RERG: variants seen among roughly 807,000 people sequenced by gnomAD.
RERG encodes RAS like estrogen regulated growth inhibitor.
In RERG, 25 loss-of-function variants were observed where a neutral mutation model predicts 23.2. That is an observed-to-expected ratio of 1.08 (90% CI 0.79 to 1.50). The LOEUF (loss-of-function observed/expected upper bound fraction) is 1.50. RERG is among the 40% of genes most tolerant of loss of function. The pLI, the probability that RERG is intolerant of heterozygous loss-of-function variation, is 0.00. For missense variants in RERG, 253 were observed against 250.1 expected (o/e 1.01, Z -0.08); for synonymous variants, 81 against 89.1 (o/e 0.91, Z 0.51).
At chr12:15,194,269 TTGC>T (rs1356438548) in intron 2 of RERG, among the ~76,000 whole-genome samples, 1 of 152,096 alleles carries the variant, frequency 6.6e-6, no homozygotes, top group African/African-American at 2.4e-5. Flanking sequence ...ATTCCAGGCC[TTGC>T]TGTTAGGGAG....
intron 2 of RERG, among the ~76,000 whole-genome samples, chr12:15,142,276 T>C (rs2136102604): frequency 6.6e-6 from 1 of 152,316 alleles, no homozygotes; most frequent in Admixed American, 6.5e-5. Flanking sequence ...CAATCTTATG[T>C]TCATTTCAAC....
intron 2 of RERG, chr12:15,154,173 T>C (rs1412605577): frequency 1.3e-5 from 2 of 152,200 alleles, no homozygotes; most frequent in Non-Finnish European, 2.9e-5. Context: ...GGTACTTTGT[T>C]GAGGCAGTGC....
intron 2 of RERG, among the ~76,000 whole-genome samples, chr12:15,133,629 T>C (rs1037222874): frequency 6.6e-6 from 1 of 151,978 alleles, no homozygotes; most frequent in African/African-American, 2.4e-5. Context: ...TCCTGAATCA[T>C]ACAGCAAGAG....
At chr12:15,115,971 G>A (rs1306145179) in intron 3 of RERG, among the ~76,000 whole-genome samples, 1 of 152,088 alleles carries the variant, frequency 6.6e-6, no homozygotes, top group Non-Finnish European at 1.5e-5. Flanking sequence ...TTTAATAAGT[G>A]TATTTTATGT....
At chr12:15,145,795 A>T (rs555651263) in intron 2 of RERG, among the ~76,000 whole-genome samples, 2 of 152,396 alleles carry the variant, frequency 1.3e-5, no homozygotes, top group East Asian at 3.9e-4. Flanking sequence ...ACTAACAAAA[A>T]TCTGAAGTTT....
chr12:15,208,848 T>C (rs1229563476), intron 2 of RERG, among the ~76,000 whole-genome samples: 2 of 152,196 alleles, frequency 1.3e-5, no homozygotes, highest in Non-Finnish European at 2.9e-5. Context: ...TAAAACATTA[T>C]ATAAACACAC....
intron 2 of RERG, among the ~76,000 whole-genome samples, chr12:15,214,655 T>C (rs1374263244): frequency 6.6e-6 from 1 of 152,172 alleles, no homozygotes; most frequent in Admixed American, 6.5e-5. Context: ...AGAATCAACA[T>C]AAATTCAATA....
intron 2 of RERG, among the ~76,000 whole-genome samples, chr12:15,206,899 G>C (rs1018051509): frequency 2.0e-5 from 3 of 152,050 alleles, no homozygotes; most frequent in Admixed American, 2.0e-4. Flanking sequence ...TGATTCCTAA[G>C]AAAAGCATGG....
chr12:15,154,537 C>T (rs1864493278), intron 2 of RERG, among the ~76,000 whole-genome samples: 1 of 152,094 alleles, frequency 6.6e-6, no homozygotes, highest in Non-Finnish European at 1.5e-5. Context: ...AAAATTTGGC[C>T]AAATAGCTAA....
intron 2 of RERG, among the ~76,000 whole-genome samples, chr12:15,126,781 A>C (rs1311142186): frequency 1.5e-5 from 2 of 137,120 alleles, no homozygotes; most frequent in African/African-American, 5.5e-5. Context: ...GGAGTGGCGC[A>C]ATCTCGGCTC....
chr12:15,118,380 TA>T (rs1313592809), intron 3 of RERG, among the ~76,000 whole-genome samples: 2 of 151,488 alleles, frequency 1.3e-5, no homozygotes, highest in East Asian at 1.9e-4. Flanking sequence ...GTTCCAGGTT[TA>T]AAAAAAAACT....
At position 15,111,080 on chromosome 12, in the gene RERG, A is replaced by G. The variant is rs112860513; in HGVS notation, c.192+264T>C. On this transcript the variant is annotated intron_variant, in intron 4 of 4. Coordinates refer to ENST00000256953, the MANE Select transcript of RERG (RefSeq NM_032918.3). ...TTATTAATATCTTGCTATGCCACAA[A>G]ATATAGGTGAGAGAGTCTAACCTAG... 1,192 of 286,230 alleles carry G rather than the reference A, an allele frequency of 4.2e-3. 9 individuals are homozygous for G. Among genetic ancestry groups the G allele is most frequent in the African/African-American group, 0.024 (1,110 of 45,978 alleles). The allele number at this position is 286,230 out of a possible 1,614,324, so 17.7% of individuals were successfully genotyped here.
Position 15,109,406 on chromosome 12 carries a change from G to C in RERG, c.304C>G (p.Leu102Val). The C allele has an allele frequency of 6.2e-7, 1 of 1,613,984 alleles. No homozygotes were observed. Among genetic ancestry groups the C allele is most frequent in the Non-Finnish European group, 8.5e-7 (1 of 1,179,998 alleles). ...FEEVLPLKNI[L>V]DEIKKPKNVT... ...TTCTTGGGCTTTTTGATCTCATCTA[G>C]GATGTTCTTAAGTGGCAGCACTTCC... The change falls in exon 5 of 5, where the codon CTA becomes GTA. Residue 102 changes from leucine (L) to valine (V), a missense_variant. By Grantham distance (32) the Leu-to-Val change is conservative (BLOSUM62 1). Transcript: ENST00000256953.
chr12:15,195,551 C>CTGTGTGTGTGTGTGTGTGTG (rs71042238), intron 2 of RERG, among the ~76,000 whole-genome samples: 1 of 128,228 alleles, frequency 7.8e-6, no homozygotes, highest in African/African-American at 3.0e-5. Context: ...GCAAGCTTGG[C>CTGTGTGTGTGTGTGTGTGTG]TGTGTGTGTG....
chr12:15,136,862 A>T (rs1864152300), intron 2 of RERG, among the ~76,000 whole-genome samples: 1 of 151,974 alleles, frequency 6.6e-6, no homozygotes, highest in East Asian at 1.9e-4. Context: ...AGAAGAAAAA[A>T]TGTGTATTTT....
chr12:15,121,752 T>C (rs1312977605), intron 2 of RERG, among the ~76,000 whole-genome samples: 2 of 152,174 alleles, frequency 1.3e-5, no homozygotes, highest in African/African-American at 4.8e-5. Context: ...TTCCCATTTT[T>C]CAGATGAGGA....
At chr12:15,190,074 G>A (rs551127913) in intron 2 of RERG, among the ~76,000 whole-genome samples, 1 of 152,266 alleles carries the variant, frequency 6.6e-6, no homozygotes, top group Admixed American at 6.5e-5. Context: ...TTACAGGTGT[G>A]GGAGTTCAAT....
chr12:15,123,548 C>T (rs1379681161), intron 2 of RERG, among the ~76,000 whole-genome samples: 2 of 146,384 alleles, frequency 1.4e-5, no homozygotes, highest in African/African-American at 5.0e-5. Context: ...AATATATATT[C>T]AAAATAGTTA....
At chr12:15,207,143 G>A (rs528966234) in intron 2 of RERG, among the ~76,000 whole-genome samples, 2 of 152,130 alleles carry the variant, frequency 1.3e-5, no homozygotes, top group Admixed American at 6.5e-5. Flanking sequence ...ATTTCTCATC[G>A]TTTCGAGAAC....
Sources: gnomAD v4.1 joint callset for allele counts (sites outside exome capture counted in the v4.1 genomes callset) on GRCh38, gnomAD v4.1.1 for gene constraint, MANE v1.5 for transcripts, NCBI Gene and HGNC (gene_info 2026-07-23, HGNC 2026-07-21) for gene names.